CFAP20DC: variants seen among roughly 807,000 people sequenced by gnomAD.
The protein encoded by CFAP20DC is protein CFAP20DC.
A neutral mutation model predicts 101.7 loss-of-function variants in CFAP20DC; 84 were observed. The ratio of observed to expected loss-of-function variants is 0.83; its 90% CI spans 0.69 to 0.99. CFAP20DC has a LOEUF of 0.99. Ranked by LOEUF, CFAP20DC falls within the 50% of genes least tolerant of loss-of-function variation. The pLI is 0.00. For synonymous variants in CFAP20DC, 359 were observed against 351.2 expected (o/e 1.02, Z -0.25); for missense variants, 1,007 against 970.3 (o/e 1.04, Z -0.50).
At chr3:58,806,291 G>T (rs2074048049) in intron 15 of CFAP20DC, 104 bp downstream of exon 15, 1 of 762,904 alleles carries the variant, frequency 1.3e-6, no homozygotes, top group Admixed American at 2.2e-5. Context: ...CATAAGTTTG[G>T]AAGCTAGAAG....
rs914643730 is a variant in CFAP20DC, at chr3:58,757,375, T to C, written c.2238-3512A>G. ...TATGTAATACACATGTGTACATACATACACACACACACATATATATATGCA... is the reference window on the plus strand; with the variant it reads ...TATGTAATACACATGTGTACATACACACACACACACACATATATATATGCA... On this transcript the variant is annotated intron_variant, in intron 15 of 16. Transcript: ENST00000482387. Among the ~76,000 whole-genome samples the C allele has an allele frequency of 2.8e-4, 42 of 151,876 alleles. 1 individual carries two copies. The East Asian group carries it at 7.2e-3, about 26-fold the overall frequency.
chr3:58,903,414 G>C (rs1039441456), intron 6 of CFAP20DC, among the ~76,000 whole-genome samples: 1 of 152,008 alleles, frequency 6.6e-6, no homozygotes, highest in Non-Finnish European at 1.5e-5. Flanking sequence ...CTATTAAATG[G>C]TCTTATAGCC....
chr3:58,782,626 C>A (rs183177081), intron 15 of CFAP20DC, among the ~76,000 whole-genome samples: 2 of 151,960 alleles, frequency 1.3e-5, no homozygotes, highest in East Asian at 3.9e-4. Flanking sequence ...TTTCTATACA[C>A]CAATAATGAA....
Position 59,002,224 on chromosome 3 carries a change from C to T in CFAP20DC, c.278+37333G>A, listed in dbSNP as rs1465439801. ...CAAAGGGGAATAAATACCTCTTACT[C>T]CCAGTAGTTGAGGATATGATAAGAT... On this transcript the variant is annotated intron_variant, in intron 4 of 16. Transcript: ENST00000482387. This position sits in a 1 kb window ranked among gnomAD's most constrained non-coding sequence, Gnocchi z 4.5. Among the ~76,000 whole-genome samples, 2 of 152,168 alleles carry T rather than the reference C, an allele frequency of 1.3e-5. No individual in the cohort carries two copies. The highest frequency in any genetic ancestry group is 4.8e-5 in the African/African-American group (2 of 41,444).
chr3:58,768,785 G>A (rs1171512567), intron 15 of CFAP20DC, among the ~76,000 whole-genome samples: 6 of 152,122 alleles, frequency 3.9e-5, no homozygotes, highest in Admixed American at 1.3e-4. Flanking sequence ...AGCCACATCC[G>A]TAGTCTCTCT....
Position 59,002,650 on chromosome 3 carries a change from C to A in CFAP20DC, c.278+36907G>T, listed in dbSNP as rs562843328. Among the ~76,000 whole-genome samples, 45 of 152,258 alleles carry A rather than the reference C, an allele frequency of 3.0e-4. No individual in the cohort carries two copies. Among genetic ancestry groups the A allele is most frequent in the African/African-American group, 1.0e-3 (42 of 41,542 alleles). ...TCTGATCTGATATGTCTGGTGTTATCTCCAAGTGCAGCAAAAGATGCCAAA... is the reference window on the plus strand; with the variant it reads ...TCTGATCTGATATGTCTGGTGTTATATCCAAGTGCAGCAAAAGATGCCAAA... On this transcript the variant is annotated intron_variant, in intron 4 of 16. Transcript: ENST00000482387. The surrounding 1 kb of genome is among the most constrained non-coding windows in gnomAD (Gnocchi z 4.5).
At chr3:58,872,067 T>A (rs1450393557) in intron 7 of CFAP20DC, among the ~76,000 whole-genome samples, 1 of 152,300 alleles carries the variant, frequency 6.6e-6, no homozygotes, top group African/African-American at 2.4e-5. Context: ...TCTTTGTGAC[T>A]GCAATTAGCC....
rs1454828862 is a variant in CFAP20DC, at chr3:58,928,686, T to C, written c.393+8962A>G. Among the ~76,000 whole-genome samples the C allele has an allele frequency of 2.0e-5, 3 of 152,338 alleles. No homozygotes were observed. The South Asian group carries it at 6.2e-4, about 32-fold the overall frequency. On this transcript the variant is annotated intron_variant, in intron 5 of 16. Coordinates refer to ENST00000482387, the MANE Select transcript of CFAP20DC (RefSeq NM_001394063.1). Reference sequence around the variant, plus strand: ...ATCTCACTGCATTGGCATATGGGCCTGAGGAGAACACTACGGAAACAAATG... The same window carrying C: ...ATCTCACTGCATTGGCATATGGGCCCGAGGAGAACACTACGGAAACAAATG...
intron 2 of CFAP20DC, 144 bp downstream of exon 2, chr3:59,047,021 C>G (rs749593408): frequency 2.8e-5 from 17 of 615,820 alleles, no homozygotes; most frequent in Non-Finnish European, 4.6e-5. Context: ...GTGTCCAGGA[C>G]AGCTGCAGCC....
In CFAP20DC at chr3:58,722,586, C is replaced by T. The variant is rs1003168364; in HGVS notation, c.198-4958G>A. On this transcript the variant is annotated intron_variant, in intron 3 of 3. Transcript: ENST00000486145. The surrounding 1 kb of genome is among the most constrained non-coding windows in gnomAD (Gnocchi z 4.5). ...ACCTTCAACTCAAAAGCCCAGCTCTCCCCTTCGACGCAGGGTCAAGGCAAG... is the reference window on the plus strand; with the variant it reads ...ACCTTCAACTCAAAAGCCCAGCTCTTCCCTTCGACGCAGGGTCAAGGCAAG... Among the ~76,000 whole-genome samples, 2 of 152,212 alleles carry T rather than the reference C, an allele frequency of 1.3e-5. No individual in the cohort carries two copies. Among genetic ancestry groups the T allele is most frequent in the African/African-American group, 4.8e-5 (2 of 41,460 alleles).
intron 7 of CFAP20DC, among the ~76,000 whole-genome samples, chr3:58,872,521 A>G (rs1271679461): frequency 6.6e-6 from 1 of 152,182 alleles, no homozygotes; most frequent in East Asian, 1.9e-4. Context: ...AAATCTGAAG[A>G]TAAAGGCAAG....
In CFAP20DC at chr3:58,802,111, G is replaced by A. The variant is rs182261719; in HGVS notation, c.2237+4284C>T. Among the ~76,000 whole-genome samples the A allele has an allele frequency of 4.1e-3, 624 of 152,238 alleles. 1 individual carries two copies. Among genetic ancestry groups the A allele is most frequent in the Non-Finnish European group, 6.9e-3 (470 of 68,016 alleles). Reference sequence around the variant, plus strand: ...GTTATTGACTCCATCCCTATGAACAGACAACCAGAAGGTAATCACAGCTTA... The same window carrying A: ...GTTATTGACTCCATCCCTATGAACAAACAACCAGAAGGTAATCACAGCTTA... On this transcript the variant is annotated intron_variant, in intron 15 of 16. Coordinates refer to ENST00000482387, the MANE Select transcript of CFAP20DC (RefSeq NM_001394063.1).
chr3:58,768,580 C>A (rs2070548677), intron 15 of CFAP20DC, among the ~76,000 whole-genome samples: 1 of 152,184 alleles, frequency 6.6e-6, no homozygotes, highest in Non-Finnish European at 1.5e-5. Flanking sequence ...TAGCACCGCT[C>A]CCATGCTCTT....
chr3:58,986,708 G>T (rs1218312656), intron 4 of CFAP20DC, among the ~76,000 whole-genome samples: 1 of 151,862 alleles, frequency 6.6e-6, no homozygotes, highest in African/African-American at 2.4e-5. Context: ...TTAAAAACTC[G>T]TTCTATGTCA....
rs2073521722 is a variant in CFAP20DC, at chr3:58,799,631, A to T, written c.2237+6764T>A. Among the ~76,000 whole-genome samples the T allele has an allele frequency of 6.6e-6, 1 of 152,092 alleles. No individual in the cohort carries two copies. The highest frequency in any genetic ancestry group is 1.5e-5 in the Non-Finnish European group (1 of 68,026). Reference sequence around the variant, plus strand: ...ATGTGCTTGGCAAGTATATCCCTTGAAACTAGGGAGACACTGAACAAGTGA... The same window carrying T: ...ATGTGCTTGGCAAGTATATCCCTTGTAACTAGGGAGACACTGAACAAGTGA... On this transcript the variant is annotated intron_variant, in intron 15 of 16. Transcript: ENST00000482387. This position sits in a 1 kb window ranked among gnomAD's most constrained non-coding sequence, Gnocchi z 4.9.
At chr3:58,759,734 A>G (rs372332797) in intron 15 of CFAP20DC, among the ~76,000 whole-genome samples, 9 of 152,100 alleles carry the variant, frequency 5.9e-5, no homozygotes, top group African/African-American at 1.2e-4. Context: ...AAGGGATCCA[A>G]TTTCAGCTTT....
At chr3:58,867,496 T>C (rs2079795663) in intron 10 of CFAP20DC, among the ~76,000 whole-genome samples, 1 of 152,196 alleles carries the variant, frequency 6.6e-6, no homozygotes, top group South Asian at 2.1e-4. Flanking sequence ...AGTTCCATTT[T>C]AGTAAAGTCT....
At chr3:58,957,237 A>T (rs573483339) in intron 4 of CFAP20DC, among the ~76,000 whole-genome samples, 5 of 152,226 alleles carry the variant, frequency 3.3e-5, no homozygotes, top group African/African-American at 7.2e-5. Flanking sequence ...CAAATAGCAA[A>T]CACACATATA....
At chr3:58,976,870 T>C (rs1205270088) in intron 4 of CFAP20DC, among the ~76,000 whole-genome samples, 1 of 152,132 alleles carries the variant, frequency 6.6e-6, no homozygotes, top group East Asian at 1.9e-4. Context: ...CCTGTCCAGG[T>C]GGGTTCCTGC....
Sources: gnomAD v4.1 joint callset for allele counts (sites outside exome capture counted in the v4.1 genomes callset) on GRCh38, gnomAD v4.1.1 for gene constraint, Gnocchi (gnomAD v3.1) non-coding constraint, MANE v1.5 for transcripts, NCBI Gene and HGNC (gene_info 2026-07-23, HGNC 2026-07-21) for gene names.